SLC25A21: variants seen among roughly 807,000 people sequenced by gnomAD.
SLC25A21 encodes mitochondrial 2-oxodicarboxylate carrier.
SLC25A21 carries 47 observed loss-of-function variants against 43.8 expected under a neutral mutation model. The observed-to-expected ratio is 1.07, with a 90% confidence interval of 0.85 to 1.37. The LOEUF is 1.37. SLC25A21 is among the 40% of genes most tolerant of loss of function. The pLI is 0.00. For missense variants in SLC25A21, 352 were observed against 350.2 expected (o/e 1.00, Z -0.04); for synonymous variants, 131 against 121.3 (o/e 1.08, Z -0.52).
chr14:36,849,180 T>G (rs541744845), intron 2 of SLC25A21, among the ~76,000 whole-genome samples: 129 of 152,338 alleles, frequency 8.5e-4, no homozygotes, highest in African/African-American at 3.0e-3. Context: ...TGTGGGAGTT[T>G]GAGTTTGCTA....
chr14:37,156,716 C>T (rs1051136794), intron 1 of SLC25A21, among the ~76,000 whole-genome samples: 3 of 151,956 alleles, frequency 2.0e-5, no homozygotes, highest in Non-Finnish European at 4.4e-5. Context: ...GGGAACAATC[C>T]AACAAGAGGA....
chr14:36,758,070 G>C (rs1749945), intron 3 of SLC25A21, among the ~76,000 whole-genome samples: 24,414 of 152,220 alleles, frequency 0.16, 2,232 homozygotes, highest in Middle Eastern at 0.25. Flanking sequence ...ATGCAGACTG[G>C]CTCAGGGGCC....
intron 3 of SLC25A21, among the ~76,000 whole-genome samples, chr14:36,784,780 T>C (rs1887189495): frequency 6.6e-6 from 1 of 152,222 alleles, no homozygotes; most frequent in Non-Finnish European, 1.5e-5. Flanking sequence ...AGTCTTACCA[T>C]GTGTCAGACA....
In SLC25A21 at chr14:36,950,759, T is replaced by C. The variant is rs553202445; in HGVS notation, c.71-75755A>G. Among the ~76,000 whole-genome samples the C allele has an allele frequency of 4.3e-4, 66 of 152,352 alleles. 1 individual carries two copies. The highest frequency in any genetic ancestry group is 1.5e-3 in the African/African-American group (61 of 41,588). On this transcript the variant is annotated intron_variant, in intron 1 of 9. Transcript: ENST00000331299. ...TTCTTGTATGAAGCTAATCAATTACTTGATACAGAGTCAGCAGCTTGTTTC... is the reference window on the plus strand; with the variant it reads ...TTCTTGTATGAAGCTAATCAATTACCTGATACAGAGTCAGCAGCTTGTTTC...
chr14:36,739,942 A>T (rs1395912473), intron 3 of SLC25A21, among the ~76,000 whole-genome samples: 1 of 152,126 alleles, frequency 6.6e-6, no homozygotes, highest in Non-Finnish European at 1.5e-5. Context: ...AGCCCAAGAG[A>T]CAAGAGGGAA....
At chr14:36,847,708 G>A (rs1215925690) in intron 2 of SLC25A21, among the ~76,000 whole-genome samples, 1 of 152,190 alleles carries the variant, frequency 6.6e-6, no homozygotes, top group Non-Finnish European at 1.5e-5. Flanking sequence ...GAAAAGGTGA[G>A]AAGGTCACTG....
intron 3 of SLC25A21, among the ~76,000 whole-genome samples, chr14:36,737,490 A>C (rs971232511): frequency 1.3e-5 from 2 of 152,038 alleles, no homozygotes; most frequent in African/African-American, 4.8e-5. Context: ...CCAAATTGAG[A>C]ATGAGCAATT....
At chr14:37,026,296 C>T (rs965314024) in intron 1 of SLC25A21, among the ~76,000 whole-genome samples, 1 of 152,118 alleles carries the variant, frequency 6.6e-6, no homozygotes, top group African/African-American at 2.4e-5. Flanking sequence ...AGAGACATCA[C>T]CATAGTTCTC....
intron 1 of SLC25A21, among the ~76,000 whole-genome samples, chr14:37,018,303 G>T (rs1436219074): frequency 2.0e-5 from 3 of 151,836 alleles, no homozygotes; most frequent in Admixed American, 1.3e-4. Flanking sequence ...CCTCAACACT[G>T]TTACCTATCT....
chr14:37,126,425 T>A (rs1283873954), intron 1 of SLC25A21, among the ~76,000 whole-genome samples: 1 of 151,858 alleles, frequency 6.6e-6, no homozygotes, highest in Non-Finnish European at 1.5e-5. Context: ...AATTAAGGGC[T>A]TCTGTGGAAT....
At chr14:36,780,580 T>C (rs568766883) in intron 3 of SLC25A21, among the ~76,000 whole-genome samples, 1 of 152,090 alleles carries the variant, frequency 6.6e-6, no homozygotes, top group Non-Finnish European at 1.5e-5. Context: ...TTTTATTCCT[T>C]GACTCATTGG....
intron 1 of SLC25A21, among the ~76,000 whole-genome samples, chr14:36,990,498 G>A (rs1960239011): frequency 6.6e-6 from 1 of 152,160 alleles, no homozygotes; most frequent in African/African-American, 2.4e-5. Context: ...ACATGGAAAT[G>A]AAATGTTTAT....
intron 3 of SLC25A21, among the ~76,000 whole-genome samples, chr14:36,786,875 G>T (rs968108251): frequency 5.9e-5 from 9 of 152,172 alleles, no homozygotes; most frequent in Non-Finnish European, 8.8e-5. Flanking sequence ...CCAGCCTCGG[G>T]AGAGGCCACG....
At chr14:37,110,911 C>T (rs1315764076) in intron 1 of SLC25A21, among the ~76,000 whole-genome samples, 1 of 151,150 alleles carries the variant, frequency 6.6e-6, no homozygotes, top group Non-Finnish European at 1.5e-5. Flanking sequence ...TTCTATCGCT[C>T]TAAAAAAGAG....
At chr14:36,893,235 G>A (rs1475073079) in intron 1 of SLC25A21, among the ~76,000 whole-genome samples, 1 of 152,040 alleles carries the variant, frequency 6.6e-6, no homozygotes, top group African/African-American at 2.4e-5. Flanking sequence ...TTTAATGATT[G>A]CCATTCTAAC....
At chr14:36,862,774 T>A (rs1326130218) in intron 2 of SLC25A21, among the ~76,000 whole-genome samples, 1 of 152,116 alleles carries the variant, frequency 6.6e-6, no homozygotes, top group Non-Finnish European at 1.5e-5. Flanking sequence ...AAAAGGAGAT[T>A]ATCTGAGAAA....
chr14:36,818,245 A>G (rs1888519476), intron 2 of SLC25A21, among the ~76,000 whole-genome samples: 1 of 152,214 alleles, frequency 6.6e-6, no homozygotes, highest in Admixed American at 6.5e-5. Context: ...GGAAATAAAG[A>G]AAGACTATCT....
At chr14:36,916,246 C>T (rs191116388) in intron 1 of SLC25A21, among the ~76,000 whole-genome samples, 2 of 152,178 alleles carry the variant, frequency 1.3e-5, no homozygotes. Flanking sequence ...TAATAGCATC[C>T]CAGGGATAAT....
At chr14:36,749,381 C>T (rs1037794147) in intron 3 of SLC25A21, among the ~76,000 whole-genome samples, 1 of 152,158 alleles carries the variant, frequency 6.6e-6, no homozygotes, top group Non-Finnish European at 1.5e-5. Flanking sequence ...TACTTCATGT[C>T]TACTATCCTG....
Sources: allele counts gnomAD v4.1 joint callset (sites outside exome capture counted in the v4.1 genomes callset), GRCh38; gene constraint gnomAD v4.1.1; transcripts MANE v1.5; gene names NCBI Gene and HGNC (gene_info 2026-07-23, HGNC 2026-07-21).